G3BP1: variants seen among roughly 807,000 people sequenced by gnomAD.
The protein encoded by G3BP1 is G3BP stress granule assembly factor 1.
In G3BP1, 35 loss-of-function variants were observed where a neutral mutation model predicts 58.6. The observed-to-expected ratio is 0.60, with a 90% confidence interval of 0.46 to 0.79. The LOEUF (loss-of-function observed/expected upper bound fraction) is 0.79, where lower values mean the gene tolerates loss of function less well. Ranked by LOEUF, G3BP1 falls within the 30% of genes least tolerant of loss-of-function variation. The pLI, the probability that G3BP1 is intolerant of heterozygous loss-of-function variation, is 0.00. For missense variants in G3BP1, 523 were observed against 580.8 expected (o/e 0.90, Z 1.02); for synonymous variants, 191 against 195.4 (o/e 0.98, Z 0.19).
At chr5:151,790,784 T>C (rs1218503275) in intron 3 of G3BP1, 105 bp from the exon 4 acceptor site, 2 of 665,992 alleles carry the variant, frequency 3.0e-6, no homozygotes, top group African/African-American at 1.8e-5. Context: ...AATTTAAATA[T>C]ACACATTCTC....
intron 10 of G3BP1, 74 bp from the exon 11 acceptor site, chr5:151,800,686 G>C (rs1762835073): frequency 1.1e-6 from 1 of 902,216 alleles, no homozygotes; most frequent in African/African-American, 1.6e-5. Flanking sequence ...AGTGGCTACT[G>C]TATTGGACTG....
intron 7 of G3BP1, 113 bp downstream of exon 7, chr5:151,797,541 G>T (rs1006081439): frequency 8.7e-7 from 1 of 1,147,614 alleles, no homozygotes; most frequent in East Asian, 2.6e-5. Flanking sequence ...CATATTGGTG[G>T]TTCATTTCAG....
rs750288335 is a variant in G3BP1 at position 151,795,549 on chromosome 5, A to C, written c.513A>C (p.Gly171=). 1 of 1,602,722 alleles carries C rather than the reference A, an allele frequency of 6.2e-7. No individual in the cohort carries two copies. Among genetic ancestry groups the C allele is most frequent in the Non-Finnish European group, 8.5e-7 (1 of 1,170,086 alleles). ...QTPEVVPDDS[G]TFYDQAVVSN... ...CTGAGGTGGTACCTGATGATTCTGG[A>C]ACTTTCTATGATCAGGCAGTTGTCA... is the stretch of plus-strand genomic sequence containing the variant. Residue 171 remains glycine (G), a synonymous_variant, in exon 6 of 12, where the codon GGA becomes GGC. Coordinates refer to ENST00000356245, the MANE Select transcript of G3BP1 (RefSeq NM_005754.3).
rs6869260 is a variant in G3BP1 at position 151,793,372 on chromosome 5, G to A, written c.352-787G>A. ...GATCTGCCTGCCTCGGCCTCCCAAA[G>A]TGCTGGGATTGCAGGCATGAGCCAC... is the stretch of plus-strand genomic sequence containing the variant. On this transcript the variant is annotated intron_variant, in intron 4 of 11. Coordinates refer to ENST00000356245, the MANE Select transcript of G3BP1 (RefSeq NM_005754.3). 7.3e-3 allele frequency among the ~76,000 whole-genome samples: 1,119 copies of A among 152,312 alleles called. 15 individuals are homozygous for A. The highest frequency in any genetic ancestry group is 0.025 in the African/African-American group (1,038 of 41,562).
intron 2 of G3BP1, 98 bp from the exon 3 acceptor site, chr5:151,790,225 C>T (rs538995930): frequency 1.1e-4 from 62 of 576,572 alleles, no homozygotes; most frequent in African/African-American, 4.7e-4. Flanking sequence ...AATGAGACCC[C>T]GTTGCAAAAA....
intron 1 of G3BP1, among the ~76,000 whole-genome samples, chr5:151,784,690 G>A (rs369458999): frequency 6.6e-6 from 1 of 152,090 alleles, no homozygotes; most frequent in East Asian, 1.9e-4. Flanking sequence ...TAGTGAAGCA[G>A]TATACTTTCA....
chr5:151,812,346 C>G lies in G3BP1; in HGVS notation c.*8255C>G, dbSNP rs1763029654. 1 of 152,154 alleles carries G rather than the reference C, an allele frequency of 6.6e-6. No homozygotes were observed. Among genetic ancestry groups the G allele is most frequent in the South Asian group, 2.1e-4 (1 of 4,830 alleles). 9.4% of individuals were successfully genotyped at this position (152,154 alleles called of 1,614,324 possible). ...ATTGGAAGTTCGTATCTAACTTTTACCCCTTGTGTGTCATGATACATTTAA... is the reference window on the plus strand; with the variant it reads ...ATTGGAAGTTCGTATCTAACTTTTAGCCCTTGTGTGTCATGATACATTTAA... On this transcript the variant is annotated 3_prime_UTR_variant, in exon 12 of 12. Coordinates refer to ENST00000356245, the MANE Select transcript of G3BP1 (RefSeq NM_005754.3).
rs754827263 is a variant in G3BP1, at chr5:151,799,890, C to T, written c.845C>T (p.Pro282Leu). The T allele has an allele frequency of 6.3e-7, 1 of 1,592,114 alleles. No individual in the cohort carries two copies. Among genetic ancestry groups the T allele is most frequent in the Non-Finnish European group, 8.6e-7 (1 of 1,162,828 alleles). Reference sequence around the variant, plus strand: ...AAAAGTTAACTTAAAATTTTTCAGCCCCGTCCAGAGTCTAAGCCTGAATCT... The same window carrying T: ...AAAAGTTAACTTAAAATTTTTCAGCTCCGTCCAGAGTCTAAGCCTGAATCT... ...PHVVKVPASQPRPESKPESQI... is the reference protein window; with the variant it reads ...PHVVKVPASQLRPESKPESQI... The change falls in exon 9 of 12, where the codon CCC becomes CTC. Residue 282 changes from proline (P) to leucine (L), a missense_variant and splice_region_variant. Pro to Leu is a moderately conservative substitution (Grantham distance 98). Coordinates refer to ENST00000356245, the MANE Select transcript of G3BP1 (RefSeq NM_005754.3).
chr5:151,804,029 C>G lies in G3BP1; in HGVS notation c.1339C>G (p.Arg447Gly). ...GGGTGGTGGAATGAGAGGCCCTCCC[C>G]GTGGAGGCATGGTGCAGAAACCAGG... ...GLGGGMRGPP[R>G]GGMVQKPGFG... The change falls in exon 12 of 12, where the codon CGT (arginine) becomes GGT (glycine). Residue 447 changes from arginine to glycine, a missense_variant. Physicochemically the swap from Arg to Gly is moderately radical, Grantham distance 125. Coordinates refer to ENST00000356245, the MANE Select transcript of G3BP1 (RefSeq NM_005754.3). 6.2e-7 allele frequency: 1 copy of G among 1,613,190 alleles called. No homozygotes were observed. Among genetic ancestry groups the G allele is most frequent in the Non-Finnish European group, 8.5e-7 (1 of 1,179,614 alleles).
At chr5:151,776,656 T>A (rs1480466915) in intron 1 of G3BP1, among the ~76,000 whole-genome samples, 1 of 152,134 alleles carries the variant, frequency 6.6e-6, no homozygotes, top group African/African-American at 2.4e-5. Flanking sequence ...TTTTTTTCAT[T>A]TATATCACTA....
chr5:151,799,816 G>C (rs1762819434), intron 8 of G3BP1, 73 bp from the exon 9 acceptor site: 2 of 839,418 alleles, frequency 2.4e-6, no homozygotes, highest in Admixed American at 4.8e-5. Context: ...AAACTTGTTA[G>C]CTAAGAAACT....
chr5:151,797,668 C>A (rs1003264991), intron 7 of G3BP1, among the ~76,000 whole-genome samples: 2 of 152,152 alleles, frequency 1.3e-5, no homozygotes, highest in Admixed American at 1.3e-4. Flanking sequence ...GCCTGTTAGA[C>A]CAGAAATTTT....
In G3BP1 at chr5:151,782,849, CTTTTTTTTTTTTT is replaced by C. The variant is rs796501774; in HGVS notation, c.-49-3709_-49-3697del. ...AAACACTGTCTTTTCTGTGACTCAT[CTTTTTTTTTTTTT>C]TTTTTTTTTTTTTGAGATGGACTCT... On this transcript the variant is annotated intron_variant, in intron 1 of 11. Transcript: ENST00000356245. Among the ~76,000 whole-genome samples the C allele has an allele frequency of 6.9e-4, 51 of 73,922 alleles. 1 individual carries two copies. The highest frequency in any genetic ancestry group is 8.1e-4 in the Non-Finnish European group (32 of 39,488). The allele number at this position is 73,922 out of a possible 152,430, so 48.5% of individuals were successfully genotyped here.
chr5:151,779,833 A>C (rs964054297), intron 1 of G3BP1, among the ~76,000 whole-genome samples: 8 of 152,228 alleles, frequency 5.3e-5, no homozygotes, highest in Admixed American at 3.9e-4. Flanking sequence ...ACCACAACTT[A>C]ATATCCATTC....
intron 11 of G3BP1, among the ~76,000 whole-genome samples, chr5:151,801,189 A>G (rs182780670): frequency 1.2e-4 from 18 of 152,300 alleles, no homozygotes; most frequent in African/African-American, 4.3e-4. Context: ...ATACAAACCT[A>G]CTTCTAACTA....
chr5:151,800,408 A>G (rs1014205735), intron 10 of G3BP1, 62 bp downstream of exon 10: 2 of 1,235,608 alleles, frequency 1.6e-6, no homozygotes, highest in Non-Finnish European at 2.3e-6. Flanking sequence ...GTCCAGTAGC[A>G]ATAGAAAATG....
At chr5:151,773,375 G>C (rs1184792863) in intron 1 of G3BP1, among the ~76,000 whole-genome samples, 1 of 152,136 alleles carries the variant, frequency 6.6e-6, no homozygotes, top group African/African-American at 2.4e-5. Context: ...ATGAATTACT[G>C]GTGTTGGAGA....
In G3BP1 at chr5:151,797,332, T is replaced by A; in HGVS notation, c.645T>A (p.Pro215=). ...EPVSEIQEEK[P]EPVLEETAPE... Reference sequence around the variant, plus strand: ...TATCTGAAATCCAAGAGGAAAAGCCTGAGCCAGTATTAGAAGAAACTGCCC... The same window carrying A: ...TATCTGAAATCCAAGAGGAAAAGCCAGAGCCAGTATTAGAAGAAACTGCCC... The change falls in exon 7 of 12, where the codon CCT becomes CCA. Residue 215 remains proline (P), a synonymous_variant. Transcript: ENST00000356245. The A allele has an allele frequency of 6.2e-7, 1 of 1,614,110 alleles. No homozygotes were observed. Among genetic ancestry groups the A allele is most frequent in the Non-Finnish European group, 8.5e-7 (1 of 1,179,952 alleles).
chr5:151,785,231 A>C (rs929167072), intron 1 of G3BP1, among the ~76,000 whole-genome samples: 1 of 152,202 alleles, frequency 6.6e-6, no homozygotes, highest in Admixed American at 6.5e-5. Context: ...TGAAGGCAAA[A>C]TACTCCTAGT....
Sources: gnomAD v4.1 joint callset for allele counts (sites outside exome capture counted in the v4.1 genomes callset) on GRCh38, gnomAD v4.1.1 for gene constraint, MANE v1.5 for transcripts, NCBI Gene and HGNC (gene_info 2026-07-23, HGNC 2026-07-21) for gene names.